The following RABL6 variants were observed in gnomAD, a reference collection of about 807,000 sequenced individuals.
The protein encoded by RABL6 is rab-like protein 6.
In RABL6, 28 loss-of-function variants were observed where a neutral mutation model predicts 72.9. The ratio of observed to expected loss-of-function variants is 0.38; its 90% CI spans 0.28 to 0.53. The LOEUF is 0.53. Ranked by LOEUF, RABL6 falls within the 20% of genes least tolerant of loss-of-function variation. The pLI is 0.80. For synonymous variants in RABL6, 477 were observed against 421.2 expected (o/e 1.13, Z -1.62); for missense variants, 1,029 against 1,008.4 (o/e 1.02, Z -0.28).
chr9:136,822,061 CTTGA>C (rs958282526), intron 1 of RABL6: 1 of 1,289,386 alleles, frequency 7.8e-7, no homozygotes, highest in Non-Finnish European at 1.0e-6. Context: ...GAACAGGTGC[CTTGA>C]GGTAGAGGGA....
At chr9:136,822,726 C>T (rs372239657) in intron 1 of RABL6, among the ~76,000 whole-genome samples, 21 of 152,342 alleles carry the variant, frequency 1.4e-4, no homozygotes, top group African/African-American at 5.0e-4. Flanking sequence ...AGGCCCAGGC[C>T]CGGGGCTACC....
intron 7 of RABL6, among the ~76,000 whole-genome samples, chr9:136,834,948 A>AG (rs976141792): frequency 2.6e-5 from 4 of 151,468 alleles, no homozygotes; most frequent in African/African-American, 9.7e-5. Context: ...AAAAAAAAAA[A>AG]AAATCTCTGA....
chr9:136,815,755 G>T (rs1210162570), intron 1 of RABL6, among the ~76,000 whole-genome samples: 1 of 152,208 alleles, frequency 6.6e-6, no homozygotes, highest in Non-Finnish European at 1.5e-5. Context: ...GTATGAAAAT[G>T]TAAGAAAATT....
At chr9:136,825,851 G>T (rs1227869748) in intron 3 of RABL6, 25 bp downstream of exon 3, 3 of 1,601,578 alleles carry the variant, frequency 1.9e-6, no homozygotes, top group Admixed American at 1.7e-5. Flanking sequence ...TTCTGTGTCT[G>T]CTTCTCTCTG....
intron 1 of RABL6, 61 bp from the exon 2 acceptor site, chr9:136,823,464 A>G (rs1848285984): frequency 6.3e-7 from 1 of 1,597,538 alleles, no homozygotes; most frequent in Non-Finnish European, 8.5e-7. Flanking sequence ...GTTGCTCTTA[A>G]AGCTGCAGCT....
At chr9:136,834,280 G>C (rs1182639229) in intron 7 of RABL6, 1 of 1,064,822 alleles carries the variant, frequency 9.4e-7, no homozygotes, top group East Asian at 6.6e-5. Flanking sequence ...ACTCACAGAA[G>C]GTTTTTCTTG....
rs529536752 is a variant in RABL6 at position 136,830,290 on chromosome 9, A to G, written c.458+806A>G. 2.6e-3 allele frequency among the ~76,000 whole-genome samples: 394 copies of G among 152,366 alleles called. 1 individual carries two copies. Among genetic ancestry groups the G allele is most frequent in the African/African-American group, 9.3e-3 (385 of 41,594 alleles). Reference sequence around the variant, plus strand: ...TCACGGGGCCGCACACTCAGCACGCATCAGCAGCCCAGGCCTGAGGGCGGC... The same window carrying G: ...TCACGGGGCCGCACACTCAGCACGCGTCAGCAGCCCAGGCCTGAGGGCGGC... On this transcript the variant is annotated intron_variant, in intron 5 of 14. Transcript: ENST00000311502.
chr9:136,832,187 C>T (rs1848490983), intron 6 of RABL6, 78 bp from the exon 7 acceptor site: 2 of 1,368,202 alleles, frequency 1.5e-6, no homozygotes, highest in East Asian at 2.3e-5. Context: ...TGCGGACCCA[C>T]AGCTGTGGGC....
intron 1 of RABL6, among the ~76,000 whole-genome samples, chr9:136,811,885 CCTGT>C (rs1848020133): frequency 6.6e-6 from 1 of 152,172 alleles, no homozygotes; most frequent in Non-Finnish European, 1.5e-5. Flanking sequence ...CACAATGAGG[CCTGT>C]CTGACTCCCC....
chr9:136,838,201 A>T (rs1848619668), intron 10 of RABL6, among the ~76,000 whole-genome samples, 186 bp downstream of exon 10: 1 of 152,194 alleles, frequency 6.6e-6, no homozygotes, highest in Non-Finnish European at 1.5e-5. Flanking sequence ...GCTTCCAGAC[A>T]TCAGAAAGGC....
At chr9:136,818,590 C>A (rs893817027) in intron 1 of RABL6, among the ~76,000 whole-genome samples, 1 of 151,330 alleles carries the variant, frequency 6.6e-6, no homozygotes, top group Admixed American at 6.6e-5. Flanking sequence ...AAAAAAAATA[C>A]AAAAATTAGC....
intron 1 of RABL6, chr9:136,813,275 T>A: frequency 3.4e-6 from 2 of 583,894 alleles, no homozygotes; most frequent in Non-Finnish European, 6.4e-6. Flanking sequence ...TGAAGCGAAC[T>A]GTAAGTGCAT....
chr9:136,820,557 T>TA (rs1447893294), intron 1 of RABL6, among the ~76,000 whole-genome samples: 3 of 151,996 alleles, frequency 2.0e-5, no homozygotes, highest in Non-Finnish European at 4.4e-5. Flanking sequence ...TTTTAGTAGA[T>TA]ACGGGGTTTC....
chr9:136,808,268 G>A lies in RABL6; in HGVS notation c.72G>A (p.Gly24=), dbSNP rs1169999302. The change falls in exon 1 of 15, where the codon GGG becomes GGA. Residue 24 remains glycine, a synonymous_variant. Coordinates refer to ENST00000311502, the MANE Select transcript of RABL6 (RefSeq NM_024718.5). ...GCCGGGACAAGAACATCCCCGCCGG[G>A]CTGCAGTCCATGAACCAGGCGTTGC... ...APGRDKNIPA[G]LQSMNQALQR... 5.7e-6 allele frequency: 9 copies of A among 1,566,620 alleles called. No homozygotes were observed. Among genetic ancestry groups the A allele is most frequent in the Non-Finnish European group, 7.8e-6 (9 of 1,157,726 alleles).
At chr9:136,821,360 C>G in intron 1 of RABL6, 1 of 985,432 alleles carries the variant, frequency 1.0e-6, no homozygotes, top group Non-Finnish European at 1.2e-6. Context: ...ACGGGACCAC[C>G]GCATGTGGAA....
In RABL6 at chr9:136,823,074, C is replaced by T. The variant is rs186907830; in HGVS notation, c.131-451C>T. ...CTGCAGTACGGCCTGGGCAAAAAAGCGAGACTCCGTCTCAAAAAAAAAAAA... is the reference window on the plus strand; with the variant it reads ...CTGCAGTACGGCCTGGGCAAAAAAGTGAGACTCCGTCTCAAAAAAAAAAAA... On this transcript the variant is annotated intron_variant, in intron 1 of 14. Coordinates refer to ENST00000311502, the MANE Select transcript of RABL6 (RefSeq NM_024718.5). Among the ~76,000 whole-genome samples the T allele has an allele frequency of 8.8e-3, 1,141 of 130,242 alleles. 14 individuals are homozygous for T. The highest frequency in any genetic ancestry group is 0.032 in the African/African-American group (1,074 of 33,370). 85.4% of individuals were successfully genotyped at this position (130,242 alleles called of 152,430 possible). A position where few individuals can be genotyped will look rare whatever the true frequency, so the allele number is the denominator to read the frequency against.
chr9:136,829,733 C>T (rs550251522), intron 5 of RABL6, among the ~76,000 whole-genome samples: 14 of 152,260 alleles, frequency 9.2e-5, no homozygotes, highest in Admixed American at 5.9e-4. Flanking sequence ...GGGCAAGGCA[C>T]GCACCTTCCA....
intron 1 of RABL6, 68 bp downstream of exon 1, chr9:136,808,394 G>A (rs1300896986): frequency 5.1e-6 from 7 of 1,372,766 alleles, no homozygotes; most frequent in Middle Eastern, 2.5e-4. Flanking sequence ...CCCGGGCGCC[G>A]CGCGGTGGTG....
chr9:136,816,732 G>T (rs550760139), intron 1 of RABL6, among the ~76,000 whole-genome samples: 2 of 141,924 alleles, frequency 1.4e-5, no homozygotes, highest in Non-Finnish European at 3.1e-5. Context: ...AAAGGGGGGG[G>T]GGGTAATTTT....
Sources: allele counts gnomAD v4.1 joint callset (sites outside exome capture counted in the v4.1 genomes callset), GRCh38; gene constraint gnomAD v4.1.1; transcripts MANE v1.5; gene names NCBI Gene and HGNC (gene_info 2026-07-23, HGNC 2026-07-21).